Variants in SLC25A44 observed in about 807,000 individuals in gnomAD.
SLC25A44 encodes solute carrier family 25 member 44.
A neutral mutation model predicts 29.9 loss-of-function variants in SLC25A44; 17 were observed. That is an observed-to-expected ratio of 0.57 (90% CI 0.39 to 0.85). SLC25A44 has a LOEUF of 0.85. Among genes scored for constraint, SLC25A44 ranks in the 40% least tolerant of loss-of-function variants. The probability of loss-of-function intolerance (pLI) is 0.00; values close to 1 mark genes in which losing one functional copy is unlikely to be tolerated. For synonymous variants in SLC25A44, 140 were observed against 151.8 expected, an observed-to-expected ratio of 0.92 and a Z score of 0.57; for missense variants, 302 against 398.4, an observed-to-expected ratio of 0.76 and a Z score of 2.06.
Position 156,200,429 on chromosome 1 carries a change from C to T in SLC25A44, c.582C>T (p.Ile194=). ...ATGTGGCTTCACTGCTTACCTATATCCCAAACAGTGCTGTCTGGTGGCCCT... is the reference window on the plus strand; with the variant it reads ...ATGTGGCTTCACTGCTTACCTATATTCCAAACAGTGCTGTCTGGTGGCCCT... ...RGYVASLLTY[I]PNSAVWWPFY... Residue 194 remains isoleucine, a synonymous_variant, in exon 2 of 4, where the codon ATC becomes ATT. Coordinates refer to ENST00000359511, the MANE Select transcript of SLC25A44 (RefSeq NM_014655.4). The T allele has an allele frequency of 6.2e-7, 1 of 1,613,298 alleles. No homozygotes were observed. The highest frequency in any genetic ancestry group is 8.5e-7 in the Non-Finnish European group (1 of 1,179,836).
At chr1:156,204,106 C>A (rs1656779686) in intron 2 of SLC25A44, among the ~76,000 whole-genome samples, 1 of 151,004 alleles carries the variant, frequency 6.6e-6, no homozygotes, top group Non-Finnish European at 1.5e-5. Context: ...CTCCCAGGTT[C>A]AAGCAATTCT....
chr1:156,210,209 C>A (rs1326286392), intron 3 of SLC25A44, 31 bp from the exon 4 acceptor site: 5 of 1,482,648 alleles, frequency 3.4e-6, no homozygotes, highest in Non-Finnish European at 4.5e-6. Context: ...TGACTACAGA[C>A]AATGGCCCTC....
rs1303019828 is a variant in SLC25A44 at position 156,208,134 on chromosome 1, C to T, written c.753+121C>T. The T allele has an allele frequency of 3.6e-6, 3 of 834,228 alleles. No individual in the cohort carries two copies. The East Asian group carries it at 7.5e-5, about 21-fold the overall frequency. The allele number at this position is 834,228 out of a possible 1,614,324, so 51.7% of individuals were successfully genotyped here. ...GGCCCTCTAGTCCAGTCAGTCTTCT[C>T]CTGAACATCTAAGCCCCTTCTGTGT... On this transcript the variant is annotated intron_variant, in intron 3 of 3. Transcript: ENST00000359511.
At position 156,198,978 on chromosome 1, in the gene SLC25A44, T is replaced by C. The variant is rs1464949120; in HGVS notation, c.-13-857T>C. On this transcript the variant is annotated intron_variant, in intron 1 of 3. Transcript: ENST00000359511. This position sits in a 1 kb window ranked among gnomAD's most constrained non-coding sequence, Gnocchi z 4.1. The stretch of plus-strand genomic sequence containing the variant: ...ACTACTTAGCTCTCAGGTGGTTCTT[T>C]TCTGTTTTTCTCAGAGCAAGTTATC... 2 of 152,260 alleles carry C rather than the reference T, an allele frequency of 1.3e-5. No homozygotes were observed. 9.4% of individuals were successfully genotyped at this position (152,260 alleles called of 1,614,324 possible).
chr1:156,203,673 C>T (rs943413896), intron 2 of SLC25A44, among the ~76,000 whole-genome samples: 28 of 146,558 alleles, frequency 1.9e-4, no homozygotes, highest in Non-Finnish European at 3.5e-4. Flanking sequence ...CCCTCCCTCC[C>T]TTCCTTCCTT....
At chr1:156,200,583 C>A in intron 2 of SLC25A44, 111 bp downstream of exon 2, 1 of 993,200 alleles carries the variant, frequency 1.0e-6, no homozygotes, top group Non-Finnish European at 1.5e-6. Context: ...GGGAATGGGT[C>A]ATTCACTCAG....
rs560741586 is a variant in SLC25A44 at position 156,211,727 on chromosome 1, T to C, written c.*1296T>C. The C allele has an allele frequency of 6.5e-6, 1 of 152,672 alleles. No individual in the cohort carries two copies. The highest frequency in any genetic ancestry group is 1.5e-5 in the Non-Finnish European group (1 of 68,024). The allele number at this position is 152,672 out of a possible 1,614,324, so 9.5% of individuals were successfully genotyped here. A position where few individuals can be genotyped will look rare whatever the true frequency, so the allele number is the denominator to read the frequency against. On this transcript the variant is annotated 3_prime_UTR_variant, in exon 4 of 4. Coordinates refer to ENST00000359511, the MANE Select transcript of SLC25A44 (RefSeq NM_014655.4). ...TCCTCAGGAGCTAGGAGAGGAGTGC[T>C]CCTTCCTCCCTACCGCTACTCTCCC...
intron 2 of SLC25A44, among the ~76,000 whole-genome samples, chr1:156,202,334 T>C (rs2253809): frequency 0.42 from 63,818 of 152,066 alleles, 14,896 homozygotes; most frequent in African/African-American, 0.63. Flanking sequence ...CTTTTCAACT[T>C]GCGTTGTCAT....
intron 3 of SLC25A44, among the ~76,000 whole-genome samples, chr1:156,209,206 C>G (rs922893947): frequency 6.6e-6 from 1 of 152,146 alleles, no homozygotes; most frequent in Non-Finnish European, 1.5e-5. Context: ...TCATTCTTTC[C>G]TGAGCCTTGT....
chr1:156,200,044 G>A lies in SLC25A44; in HGVS notation c.197G>A (p.Arg66Gln), dbSNP rs754092269. ...TTCGATGCCTTCATCAAGATCCTGC[G>A]AGCAGATGGTATCACTGGCCTCTAC... is the stretch of plus-strand genomic sequence containing the variant. ...GTFDAFIKIL[R>Q]ADGITGLYRG... is the part of the protein sequence containing the mutation. The change falls in exon 2 of 4, where the codon CGA (arginine) becomes CAA (glutamine). Residue 66 changes from arginine (R) to glutamine (Q), a missense_variant. By Grantham distance (43) the Arg-to-Gln change is conservative (BLOSUM62 1). Transcript: ENST00000359511. The A allele has an allele frequency of 4.3e-6, 7 of 1,614,024 alleles. No individual in the cohort carries two copies. The highest frequency in any genetic ancestry group is 3.3e-5 in the Admixed American group (2 of 60,000).
chr1:156,200,565 T>A, intron 2 of SLC25A44, 93 bp downstream of exon 2: 5 of 1,129,340 alleles, frequency 4.4e-6, no homozygotes, highest in African/African-American at 1.5e-5. Flanking sequence ...GGAGGTGAGA[T>A]TTAATGGGGG....
At chr1:156,196,549 A>G (rs1192628840) in intron 1 of SLC25A44, 1 of 152,178 alleles carries the variant, frequency 6.6e-6, no homozygotes. Context: ...GTGCCATGAA[A>G]CCAGGTCCTG....
chr1:156,207,941 C>T lies in SLC25A44; in HGVS notation c.681C>T (p.Val227=), dbSNP rs901710500. The T allele has an allele frequency of 6.2e-7, 1 of 1,614,112 alleles. No homozygotes were observed. The highest frequency in any genetic ancestry group is 2.2e-5 in the East Asian group (1 of 44,868). The change falls in exon 3 of 4, where the codon GTC becomes GTT. Residue 227 remains valine (V), a synonymous_variant. Transcript: ENST00000359511. ...KECPHIVFQA[V]SGPLAAATAS... ...GCCCTCACATTGTCTTTCAAGCTGT[C>T]TCGGGGCCCCTGGCTGCAGCCACTG...
At position 156,200,355 on chromosome 1, in the gene SLC25A44, A is replaced by T; in HGVS notation, c.508A>T (p.Ile170Phe). 1 of 1,614,148 alleles carries T rather than the reference A, an allele frequency of 6.2e-7. No homozygotes were observed. Among genetic ancestry groups the T allele is most frequent in the Non-Finnish European group, 8.5e-7 (1 of 1,180,028 alleles). Residue 170 changes from isoleucine (I) to phenylalanine (F), a missense_variant, in exon 2 of 4, where the codon ATC becomes TTC. Ile to Phe is a conservative substitution (Grantham distance 21, BLOSUM62 0). Coordinates refer to ENST00000359511, the MANE Select transcript of SLC25A44 (RefSeq NM_014655.4). ...TGCCTTTGGCCAAACCAAGGACATC[A>T]TCAGGCAGATCCTGCAGGCTGATGG... ...VVAFGQTKDI[I>F]RQILQADGLR...
intron 3 of SLC25A44, 127 bp downstream of exon 3, chr1:156,208,140 C>T (rs1657075098): frequency 3.9e-6 from 3 of 777,018 alleles, no homozygotes; most frequent in Admixed American, 4.6e-5. Context: ...TTCTCCTGAA[C>T]ATCTAAGCCC....
chr1:156,210,335 C>G lies in SLC25A44; in HGVS notation c.849C>G (p.Ile283Met). Residue 283 changes from isoleucine (I) to methionine (M), a missense_variant, in exon 4 of 4, where the codon ATC becomes ATG. Transcript: ENST00000359511. ...GLMKGLSARI[I>M]SATPSTIVIV... ...TGAAGGGCCTCTCGGCCAGAATCAT[C>G]TCAGCCACACCTTCCACCATTGTCA... 6.2e-7 allele frequency: 1 copy of G among 1,608,968 alleles called. No individual in the cohort carries two copies.
intron 2 of SLC25A44, among the ~76,000 whole-genome samples, chr1:156,207,241 G>C (rs1657005792): frequency 6.6e-6 from 1 of 150,872 alleles, no homozygotes; most frequent in Admixed American, 6.6e-5. Flanking sequence ...GCAGTGGCGC[G>C]ATCTTGGCTC....
At chr1:156,207,763 T>C (rs1321669038) in intron 2 of SLC25A44, 123 bp from the exon 3 acceptor site, 3 of 953,576 alleles carry the variant, frequency 3.1e-6, no homozygotes, top group South Asian at 3.3e-5. Flanking sequence ...AGATAGGACT[T>C]AGGTGGTGAA....
At chr1:156,195,441 G>C (rs1420763070) in intron 1 of SLC25A44, among the ~76,000 whole-genome samples, 2 of 152,160 alleles carry the variant, frequency 1.3e-5, no homozygotes, top group Admixed American at 1.3e-4. Flanking sequence ...AGGCTCAAAG[G>C]CTCAAATGCC....
Sources: allele counts gnomAD v4.1 joint callset (sites outside exome capture counted in the v4.1 genomes callset), GRCh38; gene constraint gnomAD v4.1.1; non-coding constraint Gnocchi (gnomAD v3.1); transcripts MANE v1.5; gene names NCBI Gene and HGNC (gene_info 2026-07-23, HGNC 2026-07-21).